Variants in GALNT2 observed in about 807,000 individuals in gnomAD.
GALNT2 encodes polypeptide N-acetylgalactosaminyltransferase 2.
GALNT2 carries 31 observed loss-of-function variants against 81.4 expected under a neutral mutation model. That is an observed-to-expected ratio of 0.38 (90% CI 0.29 to 0.51). The LOEUF (loss-of-function observed/expected upper bound fraction) is 0.51. GALNT2 is among the 20% of genes least tolerant of loss of function. GALNT2 has a pLI of 0.87. For missense variants in GALNT2, 629 were observed against 765.7 expected, an observed-to-expected ratio of 0.82 and a Z score of 2.11; for synonymous variants, 303 against 287.4, an observed-to-expected ratio of 1.05 and a Z score of -0.55.
intron 1 of GALNT2, among the ~76,000 whole-genome samples, chr1:230,152,650 T>A (rs951936376): frequency 6.6e-6 from 1 of 152,184 alleles, no homozygotes; most frequent in Non-Finnish European, 1.5e-5. Flanking sequence ...GCTAGGATAG[T>A]GCATAGCCAG....
intron 2 of GALNT2, among the ~76,000 whole-genome samples, chr1:230,191,539 A>G (rs1033814336): frequency 1.5e-4 from 23 of 152,220 alleles, no homozygotes; most frequent in Non-Finnish European, 2.4e-4. Flanking sequence ...GTTTTGAGAC[A>G]GGGTCTCACC....
At chr1:230,192,829 C>T (rs1478683587) in intron 2 of GALNT2, among the ~76,000 whole-genome samples, 1 of 152,040 alleles carries the variant, frequency 6.6e-6, no homozygotes, top group East Asian at 1.9e-4. Context: ...TGTGGGATTC[C>T]CTATTTCAAG....
rs954732742 is a variant in GALNT2 at position 230,275,726 on chromosome 1, CATATAT to C, written c.1560+1168_1560+1173del. On this transcript the variant is annotated intron_variant, in intron 15 of 15. Coordinates refer to ENST00000366672, the MANE Select transcript of GALNT2 (RefSeq NM_004481.5). The surrounding 1 kb of genome is among the most constrained non-coding windows in gnomAD (Gnocchi z 5.5). ...ATATACACACCACATATACACACCA[CATATAT>C]ATATACAAACACCACATATATATAC... Among the ~76,000 whole-genome samples, 1 of 150,226 alleles carries C rather than the reference CATATAT, an allele frequency of 6.7e-6. No homozygotes were observed. Among genetic ancestry groups the C allele is most frequent in the African/African-American group, 2.5e-5 (1 of 40,678 alleles).
intron 1 of GALNT2, among the ~76,000 whole-genome samples, chr1:230,073,521 T>C (rs1457168458): frequency 6.6e-6 from 1 of 152,228 alleles, no homozygotes; most frequent in African/African-American, 2.4e-5. Flanking sequence ...TAGTCATGTC[T>C]ACTAGTATGG....
chr1:230,154,749 C>T (rs537925386), intron 1 of GALNT2, among the ~76,000 whole-genome samples: 2 of 152,246 alleles, frequency 1.3e-5, no homozygotes, highest in East Asian at 1.9e-4. Flanking sequence ...CCATGGCCCT[C>T]GGAAGGAACA....
At chr1:230,244,863 A>C (rs182258130) in intron 7 of GALNT2, among the ~76,000 whole-genome samples, 24 of 150,644 alleles carry the variant, frequency 1.6e-4, no homozygotes, top group Admixed American at 5.9e-4. Context: ...GCGTGTTCCT[A>C]ATTAGCATGT....
chr1:230,168,439 C>A (rs190343825), intron 1 of GALNT2, among the ~76,000 whole-genome samples: 1 of 152,342 alleles, frequency 6.6e-6, no homozygotes, highest in Admixed American at 6.5e-5. Flanking sequence ...CCTCTGAGGC[C>A]TTGCCCCTCC....
At chr1:230,104,069 T>G (rs1339326185) in intron 1 of GALNT2, among the ~76,000 whole-genome samples, 1 of 152,210 alleles carries the variant, frequency 6.6e-6, no homozygotes, top group African/African-American at 2.4e-5. Context: ...CATGTGCTTC[T>G]GTTTGGTAAA....
At chr1:230,115,501 G>A (rs907453790) in intron 1 of GALNT2, among the ~76,000 whole-genome samples, 4 of 152,114 alleles carry the variant, frequency 2.6e-5, no homozygotes, top group Non-Finnish European at 5.9e-5. Flanking sequence ...AACAATGTAC[G>A]GATCTTAATT....
rs147642266 is a variant in GALNT2 at position 230,070,650 on chromosome 1, G to A, written c.126+3244G>A. ...GGCACGAGTCCTGTGGCCCTTGCCC[G>A]AGAGTCCAAGGGTGGGGGACTTTGG... On this transcript the variant is annotated intron_variant, in intron 1 of 15. Transcript: ENST00000366672. The surrounding 1 kb of genome is among the most constrained non-coding windows in gnomAD (Gnocchi z 4.7). Among the ~76,000 whole-genome samples, 1,020 of 152,072 alleles carry A rather than the reference G, an allele frequency of 6.7e-3. 20 individuals carry two copies. Among genetic ancestry groups the A allele is most frequent in the Admixed American group, 0.028 (426 of 15,282 alleles).
chr1:230,279,914 AGCCGAGTCGTGTCACGTG>A lies in GALNT2; in HGVS notation c.*459_*476del. The A allele has an allele frequency of 6.6e-6, 3 of 457,062 alleles. No homozygotes were observed. Among genetic ancestry groups the A allele is most frequent in the South Asian group, 3.1e-5 (2 of 64,572 alleles). 28.3% of individuals were successfully genotyped at this position (457,062 alleles called of 1,614,324 possible). On this transcript the variant is annotated 3_prime_UTR_variant, in exon 16 of 16. Transcript: ENST00000366672. The surrounding 1 kb of genome is among the most constrained non-coding windows in gnomAD (Gnocchi z 4.6). ...TCGAAATCACGTATGGTTTCCACAA[AGCCGAGTCGTGTCACGTG>A]GCAGGTTTACGTCAATAGTCCCTCT...
intron 15 of GALNT2, among the ~76,000 whole-genome samples, chr1:230,278,793 G>A (rs1224364671): frequency 2.0e-5 from 3 of 152,266 alleles, no homozygotes; most frequent in East Asian, 1.9e-4. Flanking sequence ...GCCTGACACC[G>A]TTCCTCTGGC....
intron 14 of GALNT2, among the ~76,000 whole-genome samples, chr1:230,274,065 A>G (rs967643253): frequency 3.3e-5 from 5 of 152,250 alleles, no homozygotes; most frequent in Admixed American, 1.3e-4. Flanking sequence ...CCAGTTGCCA[A>G]CTGTCTACCT....
At chr1:230,262,355 C>T (rs992493681) in intron 11 of GALNT2, 2 of 508,296 alleles carry the variant, frequency 3.9e-6, no homozygotes, top group East Asian at 3.1e-5. Context: ...AAAGCCATTC[C>T]AATGGTTCAG....
intron 6 of GALNT2, 73 bp downstream of exon 6, chr1:230,236,798 T>G (rs1336222615): frequency 1.4e-6 from 2 of 1,454,418 alleles, no homozygotes; most frequent in Non-Finnish European, 1.9e-6. Context: ...AAGAAGTGCT[T>G]TAGCTCAAAG....
chr1:230,147,166 C>A (rs1272581639), intron 1 of GALNT2, among the ~76,000 whole-genome samples: 1 of 152,150 alleles, frequency 6.6e-6, no homozygotes, highest in African/African-American at 2.4e-5. Flanking sequence ...GATTTCAGAC[C>A]ATGATTCTCA....
chr1:230,220,692 C>A (rs1423451858), intron 3 of GALNT2, among the ~76,000 whole-genome samples: 1 of 152,112 alleles, frequency 6.6e-6, no homozygotes, highest in Admixed American at 6.5e-5. Flanking sequence ...TGGAGGCCAG[C>A]GCATGGTGGT....
intron 1 of GALNT2, among the ~76,000 whole-genome samples, chr1:230,138,299 C>T (rs11122385): frequency 0.11 from 16,133 of 151,914 alleles, 1,263 homozygotes; most frequent in African/African-American, 0.22. Flanking sequence ...CCAAGATGGG[C>T]GGATCACCTG....
rs371159806 is a variant in GALNT2 at position 230,167,395 on chromosome 1, C to T, written c.127-10823C>T. Among the ~76,000 whole-genome samples the T allele has an allele frequency of 3.3e-5, 5 of 152,342 alleles. No individual in the cohort carries two copies. The East Asian group carries it at 9.6e-4, about 29-fold the overall frequency. ...CTCCTGGGCTCAAGTTGTCCTCCCACCTTGGCCTCCCAAAGTGCTAGGATT... is the reference window on the plus strand; with the variant it reads ...CTCCTGGGCTCAAGTTGTCCTCCCATCTTGGCCTCCCAAAGTGCTAGGATT... On this transcript the variant is annotated intron_variant, in intron 1 of 15. Transcript: ENST00000366672.
Sources: allele counts gnomAD v4.1 joint callset (sites outside exome capture counted in the v4.1 genomes callset), GRCh38; gene constraint gnomAD v4.1.1; non-coding constraint Gnocchi (gnomAD v3.1); transcripts MANE v1.5; gene names NCBI Gene and HGNC (gene_info 2026-07-23, HGNC 2026-07-21).